The following CISD2 variants were observed in gnomAD, a reference collection of about 807,000 sequenced individuals.
CISD2 encodes the protein CDGSH iron-sulfur domain-containing protein 2.
In CISD2, 1 loss-of-function variant was observed where a neutral mutation model predicts 12.9. The ratio of observed to expected loss-of-function variants is 0.08; its 90% CI spans 0.03 to 0.37. The LOEUF is 0.37. Among genes scored for constraint, CISD2 ranks in the 10% least tolerant of loss-of-function variants. The pLI is 0.99. For missense variants in CISD2, 97 were observed against 163.1 expected (o/e 0.59, Z 2.21); for synonymous variants, 50 against 60.6 (o/e 0.83, Z 0.81).
In CISD2 at chr4:102,871,632, G is replaced by A. The variant is rs780954614; in HGVS notation, c.103+2445G>A. ...ATTTCAGTGGCTATTTTCCACTCTC[G>A]GTCTCCCATTCTGAATAGATTGTAA... On this transcript the variant is annotated intron_variant, in intron 1 of 2. Transcript: ENST00000273986. Among the ~76,000 whole-genome samples, 31 of 152,032 alleles carry A rather than the reference G, an allele frequency of 2.0e-4. 1 individual carries two copies. The highest frequency in any genetic ancestry group is 1.9e-3 in the South Asian group (9 of 4,820).
chr4:102,869,438 C>A lies in CISD2; in HGVS notation c.103+251C>A, dbSNP rs79799774. ...CCGGTGTCATTCCGTGGCAAGATAC[C>A]AGGTTTTTGCAGAGAAGGTGCTGAG... On this transcript the variant is annotated intron_variant, in intron 1 of 2. Transcript: ENST00000273986. 5.6e-3 allele frequency: 3,959 copies of A among 704,790 alleles called. 89 individuals are homozygous for A. Among genetic ancestry groups the A allele is most frequent in the African/African-American group, 0.051 (2,924 of 57,384 alleles). 43.7% of individuals were successfully genotyped at this position (704,790 alleles called of 1,614,324 possible).
chr4:102,875,862 TCTTTA>T (rs1245077055), intron 1 of CISD2, among the ~76,000 whole-genome samples: 1 of 152,226 alleles, frequency 6.6e-6, no homozygotes, highest in Non-Finnish European at 1.5e-5. Flanking sequence ...GTTAGAAGAC[TCTTTA>T]CTTTTCTTTG....
At chr4:102,874,358 A>G (rs975808603) in intron 1 of CISD2, among the ~76,000 whole-genome samples, 2 of 152,152 alleles carry the variant, frequency 1.3e-5, no homozygotes, top group African/African-American at 4.8e-5. Flanking sequence ...TCAAGGGTTG[A>G]AGACTATTGG....
At position 102,891,266 on chromosome 4, in the gene CISD2, C is replaced by G. The variant is rs575308152; in HGVS notation, c.*3836C>G. On this transcript the variant is annotated 3_prime_UTR_variant, in exon 3 of 3. Transcript: ENST00000273986. Reference sequence around the variant, plus strand: ...ATTCTTACTTCACATTGAATTCTAACAAGTTTGGTTATCTGATTTCTGCTT... The same window carrying G: ...ATTCTTACTTCACATTGAATTCTAAGAAGTTTGGTTATCTGATTTCTGCTT... 1 of 152,244 alleles carries G rather than the reference C, an allele frequency of 6.6e-6. No homozygotes were observed. Among genetic ancestry groups the G allele is most frequent in the South Asian group, 2.1e-4 (1 of 4,830 alleles). The allele number at this position is 152,244 out of a possible 1,614,324, so 9.4% of individuals were successfully genotyped here. A position where few individuals can be genotyped will look rare whatever the true frequency, so the allele number is the denominator to read the frequency against.
chr4:102,885,249 G>A lies in CISD2; in HGVS notation c.137G>A (p.Gly46Asp). Residue 46 changes from glycine (G) to aspartate (D), a missense_variant, in exon 2 of 3, where the codon GGT (glycine) becomes GAT (aspartate). Gly to Asp is a moderately conservative substitution (Grantham distance 94, BLOSUM62 -1). Transcript: ENST00000273986. ...SEWLRLLPFL[G>D]VLALLGYLAV... ...TGGCTTCGGTTATTGCCTTTCCTTGGTGTACTCGCACTTCTTGGCTACCTT... is the reference window on the plus strand; with the variant it reads ...TGGCTTCGGTTATTGCCTTTCCTTGATGTACTCGCACTTCTTGGCTACCTT... The A allele has an allele frequency of 2.5e-6, 4 of 1,614,092 alleles. No individual in the cohort carries two copies. Among genetic ancestry groups the A allele is most frequent in the East Asian group, 4.5e-5 (2 of 44,866 alleles).
Position 102,892,011 on chromosome 4 carries a change from C to T in CISD2, c.*4581C>T, listed in dbSNP as rs2110410627. 6.6e-6 allele frequency: 1 copy of T among 152,272 alleles called. No individual in the cohort carries two copies. Among genetic ancestry groups the T allele is most frequent in the Middle Eastern group, 3.4e-3 (1 of 294 alleles). 9.4% of individuals were successfully genotyped at this position (152,272 alleles called of 1,614,324 possible). ...CATAGTTTGTCCTAATAGTCTTTTA[C>T]TGGAAACTTGCTATATTTGATCATG... On this transcript the variant is annotated 3_prime_UTR_variant, in exon 3 of 3. Transcript: ENST00000273986.
rs1033098251 is a variant in CISD2 at position 102,887,718 on chromosome 4, A to C, written c.*288A>C. ...GATCCAAAGCTGTTTGTTTCTTTGAATATCAATATTTTCAACAGGATCTTG... is the reference window on the plus strand; with the variant it reads ...GATCCAAAGCTGTTTGTTTCTTTGACTATCAATATTTTCAACAGGATCTTG... On this transcript the variant is annotated 3_prime_UTR_variant, in exon 3 of 3. Transcript: ENST00000273986. 1 of 221,496 alleles carries C rather than the reference A, an allele frequency of 4.5e-6. No homozygotes were observed. The allele number at this position is 221,496 out of a possible 1,614,324, so 13.7% of individuals were successfully genotyped here. A position where few individuals can be genotyped will look rare whatever the true frequency, so the allele number is the denominator to read the frequency against.
At chr4:102,877,992 G>A (rs1733630170) in intron 1 of CISD2, among the ~76,000 whole-genome samples, 1 of 152,198 alleles carries the variant, frequency 6.6e-6, no homozygotes. Context: ...GTGATGGAAG[G>A]GCCTGCTGTG....
At chr4:102,869,830 G>GC (rs935672462) in intron 1 of CISD2, among the ~76,000 whole-genome samples, 25 of 152,226 alleles carry the variant, frequency 1.6e-4, no homozygotes, top group African/African-American at 6.0e-4. Context: ...GTATTCGAAG[G>GC]CCGGTATGAG....
chr4:102,879,998 A>G (rs1211714530), intron 1 of CISD2, among the ~76,000 whole-genome samples: 1 of 151,162 alleles, frequency 6.6e-6, no homozygotes, highest in East Asian at 2.0e-4. Flanking sequence ...GCTGGAGTGC[A>G]GTGGTGAGAT....
At chr4:102,881,310 T>G (rs1474736700) in intron 1 of CISD2, among the ~76,000 whole-genome samples, 2 of 151,906 alleles carry the variant, frequency 1.3e-5, no homozygotes, top group African/African-American at 4.8e-5. Flanking sequence ...TGAAGAGAGG[T>G]TGGTTAATGG....
Position 102,869,029 on chromosome 4 carries a change from G to A in CISD2, c.-56G>A. Reference sequence around the variant, plus strand: ...CCGCTTCCGCTCCCGGCGCAGGCGCGGCAGCTTGGCCAGAGCGGAGGGGGC... The same window carrying A: ...CCGCTTCCGCTCCCGGCGCAGGCGCAGCAGCTTGGCCAGAGCGGAGGGGGC... On this transcript the variant is annotated 5_prime_UTR_variant, in exon 1 of 3. Transcript: ENST00000273986. The A allele has an allele frequency of 6.6e-7, 1 of 1,523,106 alleles. No homozygotes were observed. Among genetic ancestry groups the A allele is most frequent in the Admixed American group, 2.0e-5 (1 of 50,176 alleles). The allele number at this position is 1,523,106 out of a possible 1,614,324, so 94.3% of individuals were successfully genotyped here.
chr4:102,884,420 A>G (rs553739255), intron 1 of CISD2, among the ~76,000 whole-genome samples: 1 of 152,228 alleles, frequency 6.6e-6, no homozygotes, highest in African/African-American at 2.4e-5. Flanking sequence ...CATTCAGTGA[A>G]GGAAGTTAAC....
At chr4:102,880,093 C>A (rs1733680388) in intron 1 of CISD2, among the ~76,000 whole-genome samples, 1 of 152,072 alleles carries the variant, frequency 6.6e-6, no homozygotes, top group Non-Finnish European at 1.5e-5. Context: ...CAGGCGTGTG[C>A]CACCATGCCC....
In CISD2 at chr4:102,887,762, A is replaced by G. The variant is rs1466088786; in HGVS notation, c.*332A>G. 1 of 175,248 alleles carries G rather than the reference A, an allele frequency of 5.7e-6. No homozygotes were observed. Among genetic ancestry groups the G allele is most frequent in the Non-Finnish European group, 1.2e-5 (1 of 82,664 alleles). The allele number at this position is 175,248 out of a possible 1,614,324, so 10.9% of individuals were successfully genotyped here. ...GATCTTGTATTTAAAATTCCCACCTACATTGTTAAATATGTTATTTTTTCA... is the reference window on the plus strand; with the variant it reads ...GATCTTGTATTTAAAATTCCCACCTGCATTGTTAAATATGTTATTTTTTCA... On this transcript the variant is annotated 3_prime_UTR_variant, in exon 3 of 3. Coordinates refer to ENST00000273986, the MANE Select transcript of CISD2 (RefSeq NM_001008388.5).
At chr4:102,872,704 TAG>T (rs1733489024) in intron 1 of CISD2, among the ~76,000 whole-genome samples, 1 of 152,186 alleles carries the variant, frequency 6.6e-6, no homozygotes, top group Non-Finnish European at 1.5e-5. Context: ...GTTTTAATAA[TAG>T]TATTTATATG....
Position 102,888,869 on chromosome 4 carries a change from A to G in CISD2, c.*1439A>G, listed in dbSNP as rs1418117981. 1 of 152,268 alleles carries G rather than the reference A, an allele frequency of 6.6e-6. No individual in the cohort carries two copies. Among genetic ancestry groups the G allele is most frequent in the African/African-American group, 2.4e-5 (1 of 41,466 alleles). 9.4% of individuals were successfully genotyped at this position (152,268 alleles called of 1,614,324 possible). ...TGAGACCTTGCTAGGCACTCTGGAAACTGCTTAGTTGAGAAAAGACAAATA... is the reference window on the plus strand; with the variant it reads ...TGAGACCTTGCTAGGCACTCTGGAAGCTGCTTAGTTGAGAAAAGACAAATA... On this transcript the variant is annotated 3_prime_UTR_variant, in exon 3 of 3. Transcript: ENST00000273986.
chr4:102,871,401 AC>A (rs1474990430), intron 1 of CISD2, among the ~76,000 whole-genome samples: 4 of 152,336 alleles, frequency 2.6e-5, no homozygotes, highest in Non-Finnish European at 5.9e-5. Context: ...AGAAATAATG[AC>A]CATTCTGAGA....
Position 102,873,513 on chromosome 4 carries a change from T to C in CISD2, c.103+4326T>C, listed in dbSNP as rs181690896. 5.9e-5 allele frequency among the ~76,000 whole-genome samples: 9 copies of C among 152,206 alleles called. No individual in the cohort carries two copies. In the East Asian group the frequency reaches 1.5e-3, roughly 26 times the overall value. Reference sequence around the variant, plus strand: ...TGGTCTTGAGCTCCTGAGCTTAAGCTATCCACTCACCTCAGCCTCCCAAAG... The same window carrying C: ...TGGTCTTGAGCTCCTGAGCTTAAGCCATCCACTCACCTCAGCCTCCCAAAG... On this transcript the variant is annotated intron_variant, in intron 1 of 2. Transcript: ENST00000273986.
Sources: allele counts gnomAD v4.1 joint callset (sites outside exome capture counted in the v4.1 genomes callset), GRCh38; gene constraint gnomAD v4.1.1; transcripts MANE v1.5; gene names NCBI Gene and HGNC (gene_info 2026-07-23, HGNC 2026-07-21).